The following USP49 variants were observed in gnomAD, a reference collection of about 807,000 sequenced individuals.
The protein encoded by USP49 is ubiquitin specific peptidase 49, also known as ubiquitin carboxyl-terminal hydrolase 49.
In USP49, 24 loss-of-function variants were observed where a neutral mutation model predicts 58.6. That is an observed-to-expected ratio of 0.41 (90% CI 0.30 to 0.58). USP49 has a LOEUF of 0.58. Among genes scored for constraint, USP49 ranks in the 20% least tolerant of loss-of-function variants. The pLI, the probability that USP49 is intolerant of heterozygous loss-of-function variation, is 0.30. For missense variants in USP49, 703 were observed against 866.1 expected (o/e 0.81, Z 2.36); for synonymous variants, 408 against 365.1 (o/e 1.12, Z -1.34).
At chr6:41,802,092 G>C (rs1664583762) in intron 5 of USP49, among the ~76,000 whole-genome samples, 1 of 151,682 alleles carries the variant, frequency 6.6e-6, no homozygotes, top group South Asian at 2.1e-4. Context: ...TCTCAAAATG[G>C]AACAGGATAG....
rs1306061925 is a variant in USP49, at chr6:41,795,936, A to G, written c.*597T>C. 2.0e-5 allele frequency: 3 copies of G among 152,370 alleles called. No individual in the cohort carries two copies. In the East Asian group the frequency reaches 5.8e-4, roughly 29 times the overall value. The allele number at this position is 152,370 out of a possible 1,614,324, so 9.4% of individuals were successfully genotyped here. A position where few individuals can be genotyped will look rare whatever the true frequency, so the allele number is the denominator to read the frequency against. ...ACATATGAAAACCATCCCACTTTGC[A>G]TGGGGAAATTTGTTCCATGCATCTC... On this transcript the variant is annotated 3_prime_UTR_variant, in exon 8 of 8. Transcript: ENST00000682992.
At chr6:41,799,246 T>C (rs917546132) in intron 6 of USP49, among the ~76,000 whole-genome samples, 26 of 152,164 alleles carry the variant, frequency 1.7e-4, no homozygotes, top group African/African-American at 6.3e-4. Context: ...GGTGGGACTA[T>C]AGGTGCACAC....
chr6:41,887,801 G>A (rs938540169), intron 2 of USP49, among the ~76,000 whole-genome samples: 1 of 152,088 alleles, frequency 6.6e-6, no homozygotes, highest in Admixed American at 6.6e-5. Context: ...AAAAGACAGA[G>A]AGAAAATACT....
chr6:41,815,973 T>C (rs1173446532), intron 3 of USP49, among the ~76,000 whole-genome samples: 1 of 152,228 alleles, frequency 6.6e-6, no homozygotes, highest in Non-Finnish European at 1.5e-5. Context: ...GGGCCTGGCA[T>C]ACAACACTGG....
chr6:41,796,501 A>C lies in USP49; in HGVS notation c.*32T>G, dbSNP rs1192162731. On this transcript the variant is annotated 3_prime_UTR_variant, in exon 8 of 8. Transcript: ENST00000682992. ...AGGAAAGATGTATGGACACCAATAC[A>C]CAAAAGCCAGTCTTTGATACATGCC... 1.4e-6 allele frequency: 1 copy of C among 714,392 alleles called. No individual in the cohort carries two copies. Among genetic ancestry groups the C allele is most frequent in the Middle Eastern group, 2.8e-4 (1 of 3,550 alleles). The allele number at this position is 714,392 out of a possible 1,614,324, so 44.3% of individuals were successfully genotyped here. A position where few individuals can be genotyped will look rare whatever the true frequency, so the allele number is the denominator to read the frequency against.
chr6:41,888,449 TTTTG>T (rs959354526), intron 2 of USP49, among the ~76,000 whole-genome samples: 4 of 152,040 alleles, frequency 2.6e-5, no homozygotes, highest in Admixed American at 6.6e-5. Flanking sequence ...AGTGCTGTTT[TTTTG>T]TTTGTTTGTT....
intron 3 of USP49, among the ~76,000 whole-genome samples, chr6:41,853,207 G>C (rs1488247312): frequency 6.6e-6 from 1 of 152,092 alleles, no homozygotes; most frequent in Non-Finnish European, 1.5e-5. Context: ...AGCTGGGGGG[G>C]AGAATTTTGA....
intron 3 of USP49, among the ~76,000 whole-genome samples, chr6:41,848,463 C>A (rs1773962252): frequency 6.6e-6 from 1 of 150,804 alleles, no homozygotes; most frequent in Non-Finnish European, 1.5e-5. Flanking sequence ...ACCTCCTGGG[C>A]TCAAGCAATC....
At chr6:41,842,312 G>A (rs1773841404) in intron 3 of USP49, among the ~76,000 whole-genome samples, 1 of 151,836 alleles carries the variant, frequency 6.6e-6, no homozygotes, top group Non-Finnish European at 1.5e-5. Flanking sequence ...GGTGGAGGTT[G>A]CAGTGAGCCG....
chr6:41,822,818 C>CA (rs11324219), intron 3 of USP49, among the ~76,000 whole-genome samples: 63 of 144,662 alleles, frequency 4.4e-4, no homozygotes, highest in East Asian at 1.6e-3. Context: ...GACTCCATCT[C>CA]AAAAAAAAAA....
chr6:41,856,651 G>A (rs1243578221), intron 3 of USP49, among the ~76,000 whole-genome samples: 12 of 152,156 alleles, frequency 7.9e-5, no homozygotes, highest in Admixed American at 7.9e-4. Flanking sequence ...CTGAAGAGAG[G>A]ATGCCAGGTG....
At chr6:41,826,845 T>C (rs1015954050) in intron 3 of USP49, among the ~76,000 whole-genome samples, 1 of 152,078 alleles carries the variant, frequency 6.6e-6, no homozygotes, top group Non-Finnish European at 1.5e-5. Flanking sequence ...TGACCACAAA[T>C]TGAAGGTCAG....
intron 5 of USP49, among the ~76,000 whole-genome samples, chr6:41,801,552 CA>C (rs1772997790): frequency 2.0e-5 from 3 of 152,176 alleles, no homozygotes; most frequent in African/African-American, 7.2e-5. Context: ...TATTCCTATT[CA>C]CCATTTTTTT....
In USP49 at chr6:41,806,853, A is replaced by T; in HGVS notation, c.131T>A (p.Val44Glu). The change falls in exon 4 of 8, where the codon GTG (valine) becomes GAG (glutamate). Residue 44 changes from valine to glutamate, a missense_variant. Coordinates refer to ENST00000682992, the MANE Select transcript of USP49 (RefSeq NM_001286554.2). The surrounding 1 kb of genome is among the most constrained non-coding windows in gnomAD (Gnocchi z 5.9). The part of the protein sequence containing the change: ...SVWACLKCSH[V>E]ACGRYIEDHA... Reference sequence around the variant, plus strand: ...GTCCTCAATATAGCGGCCGCAGGCCACGTGGGAGCACTTGAGGCAGGCCCA... The same window carrying T: ...GTCCTCAATATAGCGGCCGCAGGCCTCGTGGGAGCACTTGAGGCAGGCCCA... 1.2e-6 allele frequency: 2 copies of T among 1,614,056 alleles called. No homozygotes were observed. Among genetic ancestry groups the T allele is most frequent in the Non-Finnish European group, 1.7e-6 (2 of 1,179,992 alleles).
rs757914229 is a variant in USP49 at position 41,806,110 on chromosome 6, G to A, written c.874C>T (p.Leu292=). Residue 292 remains leucine, a synonymous_variant, in exon 4 of 8, where the codon CTG becomes TTG. Transcript: ENST00000682992. The surrounding 1 kb of genome is among the most constrained non-coding windows in gnomAD (Gnocchi z 5.9). ...TTCCCGTTGGTGGCTTTGGGAAACA[G>A]ATGTTCCGTTTTGGAAGGGTCAAGG... The part of the protein sequence containing the change: ...LNLDPSKTEH[L]FPKATNGKTQ... The A allele has an allele frequency of 6.2e-6, 10 of 1,613,994 alleles. No homozygotes were observed. Among genetic ancestry groups the A allele is most frequent in the Middle Eastern group, 1.6e-4 (1 of 6,062 alleles).
Position 41,805,984 on chromosome 6 carries a change from C to T in USP49, c.1000G>A (p.Gly334Ser). The part of the protein sequence containing the change: ...ACEREGFCWN[G>S]RASISRSLEL... ...AGACTCCGACTAATGGAGGCCCTGC[C>T]GTTCCAGCAGAAGCCCTCCCGCTCG... Residue 334 changes from glycine (G) to serine (S), a missense_variant, in exon 4 of 8, where the codon GGC becomes AGC. Transcript: ENST00000682992. The T allele has an allele frequency of 3.7e-6, 6 of 1,613,962 alleles. No individual in the cohort carries two copies. The highest frequency in any genetic ancestry group is 4.5e-5 in the East Asian group (2 of 44,882).
chr6:41,813,683 A>G (rs144576030), intron 3 of USP49, among the ~76,000 whole-genome samples: 11 of 152,336 alleles, frequency 7.2e-5, no homozygotes, highest in Non-Finnish European at 1.5e-4. Context: ...CCATATGGGC[A>G]GAGTAAATCC....
chr6:41,810,500 A>C (rs897717779), intron 3 of USP49, among the ~76,000 whole-genome samples: 1 of 150,864 alleles, frequency 6.6e-6, no homozygotes, highest in Non-Finnish European at 1.5e-5. Flanking sequence ...CAAAAAATAA[A>C]AAATAAATAA....
intron 3 of USP49, among the ~76,000 whole-genome samples, chr6:41,819,520 T>G (rs924514761): frequency 1.3e-5 from 2 of 152,176 alleles, no homozygotes; most frequent in Admixed American, 1.3e-4. Context: ...TGTCAGACTT[T>G]CTTGAATTGT....
Sources: allele counts gnomAD v4.1 joint callset (sites outside exome capture counted in the v4.1 genomes callset), GRCh38; gene constraint gnomAD v4.1.1; non-coding constraint Gnocchi (gnomAD v3.1); transcripts MANE v1.5; gene names NCBI Gene and HGNC (gene_info 2026-07-23, HGNC 2026-07-21).